Variants in UNC13C observed in about 807,000 individuals in gnomAD.
The protein encoded by UNC13C is unc-13 homolog C.
A neutral mutation model predicts 245.4 loss-of-function variants in UNC13C; 174 were observed. The observed-to-expected ratio is 0.71, with a 90% confidence interval of 0.63 to 0.80. The LOEUF (loss-of-function observed/expected upper bound fraction) is 0.80. UNC13C is among the 30% of genes least tolerant of loss of function. The probability of loss-of-function intolerance (pLI) is 0.00; values close to 1 mark genes in which losing one functional copy is unlikely to be tolerated. For synonymous variants in UNC13C, 992 were observed against 895.1 expected, an observed-to-expected ratio of 1.11 and a Z score of -1.93; for missense variants, 2,829 against 2,602.9, an observed-to-expected ratio of 1.09 and a Z score of -1.89.
At chr15:54,310,764 CTAT>C in intron 13 of UNC13C, among the ~76,000 whole-genome samples, 1 of 150,994 alleles carries the variant, frequency 6.6e-6, no homozygotes, top group African/African-American at 2.4e-5. Flanking sequence ...ATATCTATAT[CTAT>C]ATCTATATCT....
chr15:54,319,155 A>G (rs1168333627), intron 13 of UNC13C, among the ~76,000 whole-genome samples: 2 of 151,828 alleles, frequency 1.3e-5, no homozygotes, highest in Non-Finnish European at 2.9e-5. Flanking sequence ...ATTTATTTTC[A>G]AAATTGACTA....
the UNC13C span, among the ~76,000 whole-genome samples, chr15:53,936,853 A>C: frequency 2.6e-5 from 4 of 152,188 alleles, no homozygotes; most frequent in Non-Finnish European, 2.9e-5. Context: ...ATCAACAAAA[A>C]GTCCCCCCAA....
chr15:53,963,089 T>C, the UNC13C span, among the ~76,000 whole-genome samples: 2 of 152,290 alleles, frequency 1.3e-5, no homozygotes, highest in East Asian at 3.9e-4. Context: ...AGGTAGGGTA[T>C]GTTTTAATGA....
At chr15:54,165,332 CAA>C (rs2033126292) in intron 4 of UNC13C, among the ~76,000 whole-genome samples, 1 of 152,018 alleles carries the variant, frequency 6.6e-6, no homozygotes, top group African/African-American at 2.4e-5. Context: ...AATTCTGTAA[CAA>C]TATGGAAAAA....
intron 24 of UNC13C, among the ~76,000 whole-genome samples, chr15:54,516,876 C>T (rs1895005997): frequency 6.6e-6 from 1 of 151,590 alleles, no homozygotes; most frequent in African/African-American, 2.4e-5. Flanking sequence ...CAGTCCTGAC[C>T]AGCCTACTTT....
At chr15:53,944,428 G>A in the UNC13C span, among the ~76,000 whole-genome samples, 3 of 151,906 alleles carry the variant, frequency 2.0e-5, no homozygotes, top group Admixed American at 6.6e-5. Flanking sequence ...CCTCAAGGAG[G>A]CCCTTGTCGT....
At position 54,255,027 on chromosome 15, in the gene UNC13C, G is replaced by A. The variant is rs766423540; in HGVS notation, c.3448+4583G>A. ...CAGGGCGTGTGATGGGGTGTAGCTCGCTTCTTCAGTGCCCCGCTTCTCAGA... is the reference window on the plus strand; with the variant it reads ...CAGGGCGTGTGATGGGGTGTAGCTCACTTCTTCAGTGCCCCGCTTCTCAGA... On this transcript the variant is annotated intron_variant, in intron 8 of 32. Coordinates refer to ENST00000260323, the MANE Select transcript of UNC13C (RefSeq NM_001080534.3). Among the ~76,000 whole-genome samples, 20 of 152,200 alleles carry A rather than the reference G, an allele frequency of 1.3e-4. 1 individual carries two copies. The highest frequency in any genetic ancestry group is 1.5e-4 in the Non-Finnish European group (10 of 68,018).
At chr15:53,968,677 C>T in the UNC13C span, among the ~76,000 whole-genome samples, 1 of 152,108 alleles carries the variant, frequency 6.6e-6, no homozygotes, top group Non-Finnish European at 1.5e-5. Flanking sequence ...AGGAGTCAGC[C>T]TTCCTTTTGT....
intron 17 of UNC13C, among the ~76,000 whole-genome samples, chr15:54,343,560 C>T (rs1206091114): frequency 2.0e-5 from 3 of 152,222 alleles, no homozygotes; most frequent in Non-Finnish European, 4.4e-5. Context: ...AATCAGCCAT[C>T]CTTTTTCACA....
chr15:53,892,896 T>C, the UNC13C span, among the ~76,000 whole-genome samples: 1 of 152,144 alleles, frequency 6.6e-6, no homozygotes, highest in African/African-American at 2.4e-5. Context: ...TCATTCTCCA[T>C]CAAGTTTTGT....
At chr15:54,422,567 C>A (rs1377420446) in intron 19 of UNC13C, among the ~76,000 whole-genome samples, 6 of 151,988 alleles carry the variant, frequency 3.9e-5, no homozygotes, top group Non-Finnish European at 5.9e-5. Flanking sequence ...TCCTCTCACT[C>A]AAATGTAGCC....
At chr15:53,853,841 G>C in the UNC13C span, among the ~76,000 whole-genome samples, 1 of 152,020 alleles carries the variant, frequency 6.6e-6, no homozygotes, top group Admixed American at 6.6e-5. Flanking sequence ...TAATGGGGTT[G>C]TTTGTTTTTT....
chr15:54,056,522 T>C (rs569275778), intron 2 of UNC13C, among the ~76,000 whole-genome samples: 2 of 152,144 alleles, frequency 1.3e-5, no homozygotes, highest in East Asian at 1.9e-4. Flanking sequence ...TGGAACCAAG[T>C]TGGAAAACAT....
the UNC13C span, among the ~76,000 whole-genome samples, chr15:53,925,860 C>T: frequency 1.6e-4 from 24 of 152,330 alleles, no homozygotes; most frequent in African/African-American, 5.5e-4. Flanking sequence ...CCAGGTGCTT[C>T]TCTTTTGTGA....
At chr15:54,192,004 A>T (rs527542322) in intron 4 of UNC13C, among the ~76,000 whole-genome samples, 1 of 151,912 alleles carries the variant, frequency 6.6e-6, no homozygotes, top group African/African-American at 2.4e-5. Context: ...TAGGTTGCCT[A>T]TCCACTCTGA....
At chr15:54,485,044 A>G (rs566857661) in intron 19 of UNC13C, among the ~76,000 whole-genome samples, 23 of 152,132 alleles carry the variant, frequency 1.5e-4, no homozygotes, top group Non-Finnish European at 2.9e-4. Context: ...AAAAAAATTT[A>G]CTGACACAAT....
chr15:54,265,718 C>G (rs1164130274), intron 10 of UNC13C, among the ~76,000 whole-genome samples: 6 of 151,624 alleles, frequency 4.0e-5, no homozygotes, highest in Non-Finnish European at 1.5e-5. Flanking sequence ...TACTTCAAAT[C>G]AAAAAAAGAT....
chr15:54,384,754 A>C (rs573710844), intron 17 of UNC13C, among the ~76,000 whole-genome samples: 1 of 152,250 alleles, frequency 6.6e-6, no homozygotes, highest in Non-Finnish European at 1.5e-5. Flanking sequence ...ATATTTGCAA[A>C]TTATTCATCC....
intron 1 of UNC13C, among the ~76,000 whole-genome samples, chr15:53,993,311 G>A (rs972405628): frequency 6.6e-6 from 1 of 152,104 alleles, no homozygotes; most frequent in Non-Finnish European, 1.5e-5. Flanking sequence ...AGGGGTTCAA[G>A]CAATTGAACT....
Sources: gnomAD v4.1 joint callset for allele counts (sites outside exome capture counted in the v4.1 genomes callset) on GRCh38, gnomAD v4.1.1 for gene constraint, MANE v1.5 for transcripts, NCBI Gene and HGNC (gene_info 2026-07-23, HGNC 2026-07-21) for gene names.